The following TMEM179 variants were observed in gnomAD, a reference collection of about 807,000 sequenced individuals.
The protein encoded by TMEM179 is transmembrane protein 179A.
Under a neutral mutation model 22.2 loss-of-function variants are expected in TMEM179, and 17 were observed. The ratio of observed to expected loss-of-function variants is 0.77; its 90% CI spans 0.52 to 1.15. The LOEUF is 1.15. TMEM179 is among the 50% of genes most tolerant of loss of function. The probability of loss-of-function intolerance (pLI) is 0.00; values close to 1 mark genes in which losing one functional copy is unlikely to be tolerated. For synonymous variants in TMEM179, 127 were observed against 140.5 expected, an observed-to-expected ratio of 0.90 and a Z score of 0.68; for missense variants, 265 against 313.6, an observed-to-expected ratio of 0.84 and a Z score of 1.17.
rs940311197 is a variant in TMEM179 at position 104,594,071 on chromosome 14, T to C, written c.523-413A>G. 17 of 1,232,730 alleles carry C rather than the reference T, an allele frequency of 1.4e-5. No individual in the cohort carries two copies. The African/African-American group carries it at 2.3e-4, about 17-fold the overall frequency. The allele number at this position is 1,232,730 out of a possible 1,614,324, so 76.4% of individuals were successfully genotyped here. A position where few individuals can be genotyped will look rare whatever the true frequency, so the allele number is the denominator to read the frequency against. ...CCAACCACCGGAATAAATTGACCTT[T>C]AGCCGCTGTTTCCAAACAGTTGAAG... On this transcript the variant is annotated intron_variant, in intron 3 of 3. Coordinates refer to ENST00000556573, the MANE Select transcript of TMEM179 (RefSeq NM_001286389.2).
intron 2 of TMEM179, 99 bp downstream of exon 2, chr14:104,596,891 G>A (rs1887040794): frequency 6.7e-7 from 1 of 1,485,890 alleles, no homozygotes. Context: ...CGCAGACTCA[G>A]GATGGGCTTC....
Position 104,598,325 on chromosome 14 carries a change from C to T in TMEM179, c.306-1198G>A, listed in dbSNP as rs575809840. Reference sequence around the variant, plus strand: ...AGCATGGCTGAGAAGGGGCTGCTCCCGCCTCTCACCTGCCAGCAGGCTCGA... The same window carrying T: ...AGCATGGCTGAGAAGGGGCTGCTCCTGCCTCTCACCTGCCAGCAGGCTCGA... On this transcript the variant is annotated intron_variant, in intron 1 of 3. Transcript: ENST00000556573. Among the ~76,000 whole-genome samples, 45 of 152,334 alleles carry T rather than the reference C, an allele frequency of 3.0e-4. No homozygotes were observed. In the South Asian group the frequency reaches 3.5e-3, roughly 12 times the overall value.
rs932952244 is a variant in TMEM179, at chr14:104,593,547, T to C, written c.634A>G (p.Lys212Glu). 1 of 1,534,878 alleles carries C rather than the reference T, an allele frequency of 6.5e-7. No homozygotes were observed. The highest frequency in any genetic ancestry group is 8.7e-7 in the Non-Finnish European group (1 of 1,146,146). ...EDLLDSLIHE[K>E]ELLLARPSPR... ...GACGGCCGGGCCAGCAGCAGCTCCT[T>C]CTCGTGGATCAGGCTGTCCAGCAGG... Residue 212 changes from lysine (K) to glutamate (E), a missense_variant, in exon 4 of 4, where the codon AAG (lysine) becomes GAG (glutamate). Lys to Glu is a moderately conservative substitution (Grantham distance 56, BLOSUM62 1). Transcript: ENST00000556573.
chr14:104,593,346 G>T lies in TMEM179; in HGVS notation c.*133C>A. The T allele has an allele frequency of 2.7e-6, 3 of 1,115,822 alleles. No individual in the cohort carries two copies. The highest frequency in any genetic ancestry group is 1.5e-5 in the African/African-American group (1 of 64,734). The allele number at this position is 1,115,822 out of a possible 1,614,324, so 69.1% of individuals were successfully genotyped here. On this transcript the variant is annotated 3_prime_UTR_variant, in exon 4 of 4. Coordinates refer to ENST00000556573, the MANE Select transcript of TMEM179 (RefSeq NM_001286389.2). ...TGGGGCGCTCACCTCACTACACGTG[G>T]CGTCGAGGGGACACACGCAGGGCTG...
At position 104,595,225 on chromosome 14, in the gene TMEM179, G is replaced by A. The variant is rs931815127; in HGVS notation, c.462C>T (p.Asp154=). The change falls in exon 3 of 4, where the codon GAC becomes GAT. Residue 154 remains aspartate, a synonymous_variant. Transcript: ENST00000556573. This position sits in a 1 kb window ranked among gnomAD's most constrained non-coding sequence, Gnocchi z 5.7. ...TVPHSCEELQ[D]IDLELGVDNS... is the part of the protein sequence containing the mutation. ...TGTCCACGCCCAGCTCCAAGTCGAT[G>A]TCCTGGAGCTCTTCACAGCTAAAAC... 21 of 1,613,402 alleles carry A rather than the reference G, an allele frequency of 1.3e-5. No individual in the cohort carries two copies. Among genetic ancestry groups the A allele is most frequent in the Non-Finnish European group, 1.7e-5 (20 of 1,179,844 alleles).
chr14:104,604,094 G>A lies in TMEM179; in HGVS notation c.305+343C>T, dbSNP rs564635823. Among the ~76,000 whole-genome samples the A allele has an allele frequency of 1.1e-4, 16 of 152,346 alleles. No individual in the cohort carries two copies. The South Asian group carries it at 1.4e-3, about 14-fold the overall frequency. On this transcript the variant is annotated intron_variant, in intron 1 of 3. Coordinates refer to ENST00000556573, the MANE Select transcript of TMEM179 (RefSeq NM_001286389.2). This position sits in a 1 kb window ranked among gnomAD's most constrained non-coding sequence, Gnocchi z 4.6. ...GCTGGGAGTTGTCGCCGGTCCTGGC[G>A]AGTGTGGCCCGGCTGAGCCCGCCCA...
intron 1 of TMEM179, among the ~76,000 whole-genome samples, chr14:104,603,119 G>A (rs192952446): frequency 3.2e-4 from 48 of 152,274 alleles, no homozygotes; most frequent in Middle Eastern, 3.4e-3. Context: ...GCCCCAGGGC[G>A]CTCCTACCCA....
In TMEM179 at chr14:104,599,892, C is replaced by T. The variant is rs546093977; in HGVS notation, c.306-2765G>A. ...ATACGGCAGAGGCTCTGGGCCCAGG[C>T]GACCCACTGTCCCCTTCCCACCACT... On this transcript the variant is annotated intron_variant, in intron 1 of 3. Coordinates refer to ENST00000556573, the MANE Select transcript of TMEM179 (RefSeq NM_001286389.2). Among the ~76,000 whole-genome samples, 560 of 152,270 alleles carry T rather than the reference C, an allele frequency of 3.7e-3. 3 individuals carry two copies. Among genetic ancestry groups the T allele is most frequent in the Non-Finnish European group, 5.2e-3 (355 of 67,994 alleles).
In TMEM179 at chr14:104,593,466, G is replaced by T. The variant is rs1177542999; in HGVS notation, c.*13C>A. 29 of 1,536,032 alleles carry T rather than the reference G, an allele frequency of 1.9e-5. No homozygotes were observed. The highest frequency in any genetic ancestry group is 1.1e-4 in the South Asian group (9 of 84,060). ...AGGGAGGTCGGGGCCAGCTCCCCCT[G>T]CCTGCACTGTGCCTAAATGACAGCG... On this transcript the variant is annotated 3_prime_UTR_variant, in exon 4 of 4. Coordinates refer to ENST00000556573, the MANE Select transcript of TMEM179 (RefSeq NM_001286389.2).
intron 1 of TMEM179, among the ~76,000 whole-genome samples, chr14:104,599,647 A>G (rs897433337): frequency 6.6e-6 from 1 of 152,190 alleles, no homozygotes; most frequent in Admixed American, 6.5e-5. Context: ...CCACCTCTGC[A>G]GTCTTGGACC....
intron 1 of TMEM179, among the ~76,000 whole-genome samples, chr14:104,602,818 A>T (rs1020163981): frequency 6.6e-6 from 1 of 152,168 alleles, no homozygotes; most frequent in Non-Finnish European, 1.5e-5. Flanking sequence ...ACTGACCCCC[A>T]TCCAGAACCT....
intron 3 of TMEM179, 43 bp from the exon 4 acceptor site, chr14:104,593,701 C>G: frequency 1.4e-6 from 2 of 1,435,140 alleles, no homozygotes; most frequent in Non-Finnish European, 1.8e-6. Flanking sequence ...GTTGGGGGTC[C>G]GCTGTCAGTG....
intron 1 of TMEM179, among the ~76,000 whole-genome samples, chr14:104,598,212 G>C (rs1162282125): frequency 1.3e-5 from 2 of 152,204 alleles, no homozygotes; most frequent in Non-Finnish European, 2.9e-5. Context: ...GAGGCTCCGG[G>C]GGGTAGGGAG....
At position 104,592,603 on chromosome 14, in the gene TMEM179, T is replaced by G. The variant is rs1413679330; in HGVS notation, c.*876A>C. 1 of 154,092 alleles carries G rather than the reference T, an allele frequency of 6.5e-6. No individual in the cohort carries two copies. The highest frequency in any genetic ancestry group is 1.9e-4 in the East Asian group (1 of 5,166). 9.5% of individuals were successfully genotyped at this position (154,092 alleles called of 1,614,324 possible). A position where few individuals can be genotyped will look rare whatever the true frequency, so the allele number is the denominator to read the frequency against. ...GTGCACACTCAGTGACACCTTCACA[T>G]GCAGTCACACCTGCACTGTCACACC... is the stretch of plus-strand genomic sequence containing the variant. On this transcript the variant is annotated 3_prime_UTR_variant, in exon 4 of 4. Coordinates refer to ENST00000556573, the MANE Select transcript of TMEM179 (RefSeq NM_001286389.2).
In TMEM179 at chr14:104,593,506, G is replaced by C; in HGVS notation, c.675C>G (p.Phe225Leu). 6.5e-7 allele frequency: 1 copy of C among 1,535,990 alleles called. No homozygotes were observed. Among genetic ancestry groups the C allele is most frequent in the Non-Finnish European group, 8.7e-7 (1 of 1,146,784 alleles). The change falls in exon 4 of 4, where the codon TTC becomes TTG. Residue 225 changes from phenylalanine (F) to leucine (L), a missense_variant. Coordinates refer to ENST00000556573, the MANE Select transcript of TMEM179 (RefSeq NM_001286389.2). ...AAATGACAGCGCTCTTCTCCTCTTG[G>C]AAGGAGGTGCGTGGGGACGGCCGGG... Reference protein sequence around the residue: ...LLARPSPRTSFQEEKSAVI With the variant: ...LLARPSPRTSLQEEKSAVI
In TMEM179 at chr14:104,593,381, A is replaced by G. The variant is rs1267354628; in HGVS notation, c.*98T>C. The G allele has an allele frequency of 7.0e-7, 1 of 1,438,016 alleles. No homozygotes were observed. Among genetic ancestry groups the G allele is most frequent in the Non-Finnish European group, 9.4e-7 (1 of 1,064,776 alleles). The allele number at this position is 1,438,016 out of a possible 1,614,324, so 89.1% of individuals were successfully genotyped here. ...GACACACGCAGGGCTGCATGTGGCC[A>G]GGGCCCAGGCAGAGCCCCCCAGCTG... On this transcript the variant is annotated 3_prime_UTR_variant, in exon 4 of 4. Coordinates refer to ENST00000556573, the MANE Select transcript of TMEM179 (RefSeq NM_001286389.2).
Position 104,591,071 on chromosome 14 carries a change from G to A in TMEM179, c.*2408C>T, listed in dbSNP as rs537969718. The A allele has an allele frequency of 9.1e-5, 24 of 262,852 alleles. No individual in the cohort carries two copies. In the East Asian group the frequency reaches 2.3e-3, roughly 26 times the overall value. 16.3% of individuals were successfully genotyped at this position (262,852 alleles called of 1,614,324 possible). A position where few individuals can be genotyped will look rare whatever the true frequency, so the allele number is the denominator to read the frequency against. On this transcript the variant is annotated 3_prime_UTR_variant, in exon 4 of 4. Coordinates refer to ENST00000556573, the MANE Select transcript of TMEM179 (RefSeq NM_001286389.2). ...GGACCCTGGAGAGCCCACGACCAGG[G>A]CCGCCAGCCCCTGCCCAGCACACTG...
rs533135864 is a variant in TMEM179, at chr14:104,603,641, CCACAGAGGGAGAGGGTGGGTT to C, written c.305+775_305+795del. On this transcript the variant is annotated intron_variant, in intron 1 of 3. Transcript: ENST00000556573. ...TGGTAGATGGGCTCACAGAGGGCAC[CCACAGAGGGAGAGGGTGGGTT>C]CACAGAGGGAGTGGGTGGGCTCACA... 7.0e-3 allele frequency among the ~76,000 whole-genome samples: 1,002 copies of C among 143,192 alleles called. 17 individuals carry two copies. Among genetic ancestry groups the C allele is most frequent in the African/African-American group, 0.027 (957 of 34,906 alleles). The allele number at this position is 143,192 out of a possible 152,430, so 93.9% of individuals were successfully genotyped here. A position where few individuals can be genotyped will look rare whatever the true frequency, so the allele number is the denominator to read the frequency against.
Position 104,597,906 on chromosome 14 carries a change from A to G in TMEM179, c.306-779T>C, listed in dbSNP as rs1159146851. 6.6e-6 allele frequency among the ~76,000 whole-genome samples: 1 copy of G among 152,204 alleles called. No individual in the cohort carries two copies. The highest frequency in any genetic ancestry group is 2.4e-5 in the African/African-American group (1 of 41,456). On this transcript the variant is annotated intron_variant, in intron 1 of 3. Transcript: ENST00000556573. This position sits in a 1 kb window ranked among gnomAD's most constrained non-coding sequence, Gnocchi z 4.8. ...AAAAGGCCAGGCTGTGATTGGGCCC[A>G]TCTGACCAGGGCCAGAGCATGGGGA...
Sources: gnomAD v4.1 joint callset for allele counts (sites outside exome capture counted in the v4.1 genomes callset) on GRCh38, gnomAD v4.1.1 for gene constraint, Gnocchi (gnomAD v3.1) non-coding constraint, MANE v1.5 for transcripts, NCBI Gene and HGNC (gene_info 2026-07-23, HGNC 2026-07-21) for gene names.